The following GRM7 variants were observed in gnomAD, a reference collection of about 807,000 sequenced individuals.
The protein encoded by GRM7 is metabotropic glutamate receptor 7.
GRM7 carries 35 observed loss-of-function variants against 84.5 expected under a neutral mutation model. That is an observed-to-expected ratio of 0.41 (90% CI 0.32 to 0.55). The LOEUF (loss-of-function observed/expected upper bound fraction) is 0.55. Ranked by LOEUF, GRM7 falls within the 20% of genes least tolerant of loss-of-function variation. The pLI, the probability that GRM7 is intolerant of heterozygous loss-of-function variation, is 0.19. For synonymous variants in GRM7, 487 were observed against 455.1 expected (o/e 1.07, Z -0.89); for missense variants, 1,003 against 1,194.6 (o/e 0.84, Z 2.36).
chr3:7,452,666 A>T lies in GRM7; in HGVS notation c.1234A>T (p.Ile412Phe). ...YEQEGKVQFV[I>F]DAVYAMAHAL... ...GCAGGAGGGTAAAGTCCAGTTCGTG[A>T]TTGACGCAGTCTATGCTATGGCTCA... is the stretch of plus-strand genomic sequence containing the variant. Residue 412 changes from isoleucine to phenylalanine, a missense_variant, in exon 6 of 10, where the codon ATT (isoleucine) becomes TTT (phenylalanine). Physicochemically the swap from Ile to Phe is conservative, Grantham distance 21. Around this residue, in one of 2 missense-constraint regions of GRM7, gnomAD observed 910 missense variants for 1,126.0 expected, o/e 0.81. Coordinates refer to ENST00000357716, the MANE Select transcript of GRM7 (RefSeq NM_000844.4). The T allele has an allele frequency of 6.2e-7, 1 of 1,613,526 alleles. No homozygotes were observed. The highest frequency in any genetic ancestry group is 8.5e-7 in the Non-Finnish European group (1 of 1,179,610).
At chr3:7,399,763 C>G (rs1372921627) in intron 4 of GRM7, among the ~76,000 whole-genome samples, 1 of 152,168 alleles carries the variant, frequency 6.6e-6, no homozygotes, top group Non-Finnish European at 1.5e-5. Context: ...TTCCACTCCT[C>G]CTCCCCACCA....
chr3:7,050,413 C>A (rs1360907839), intron 1 of GRM7, among the ~76,000 whole-genome samples: 1 of 151,832 alleles, frequency 6.6e-6, no homozygotes, highest in Non-Finnish European at 1.5e-5. Context: ...AAGTCATAAG[C>A]TTCGTAGCCT....
chr3:7,407,184 G>T (rs1351613259), intron 4 of GRM7, among the ~76,000 whole-genome samples: 1 of 152,136 alleles, frequency 6.6e-6, no homozygotes, highest in African/African-American at 2.4e-5. Flanking sequence ...CATGAGGTAG[G>T]GTAGAAGGAA....
chr3:6,916,635 C>G (rs1206528691), intron 1 of GRM7, among the ~76,000 whole-genome samples: 1 of 152,106 alleles, frequency 6.6e-6, no homozygotes, highest in Non-Finnish European at 1.5e-5. Context: ...CAAGCTGCCT[C>G]AGTCCTCTTA....
chr3:7,524,129 A>C (rs1247783166), intron 7 of GRM7, among the ~76,000 whole-genome samples: 2 of 151,864 alleles, frequency 1.3e-5, no homozygotes, highest in Non-Finnish European at 2.9e-5. Context: ...TGGGTTAAAG[A>C]CTTAAACGTT....
intron 4 of GRM7, among the ~76,000 whole-genome samples, chr3:7,364,509 T>A (rs1216866126): frequency 2.0e-5 from 3 of 151,834 alleles, no homozygotes; most frequent in Admixed American, 6.6e-5. Context: ...TTTATTTATA[T>A]AATTTGCTTT....
intron 2 of GRM7, among the ~76,000 whole-genome samples, chr3:7,235,736 T>A (rs1697328122): frequency 6.6e-6 from 1 of 152,228 alleles, no homozygotes; most frequent in Admixed American, 6.5e-5. Flanking sequence ...ATATTCATCA[T>A]TTCTAAACAA....
chr3:7,634,750 C>T (rs759313027), intron 8 of GRM7, among the ~76,000 whole-genome samples: 25 of 150,816 alleles, frequency 1.7e-4, no homozygotes, highest in Non-Finnish European at 3.0e-4. Context: ...GCCGAGATCG[C>T]GCCACTGCAC....
At chr3:7,113,037 CAT>C (rs1692914593) in intron 1 of GRM7, among the ~76,000 whole-genome samples, 1 of 152,008 alleles carries the variant, frequency 6.6e-6, no homozygotes, top group Admixed American at 6.6e-5. Flanking sequence ...AGTAATGAAA[CAT>C]AGACTGATGA....
intron 2 of GRM7, among the ~76,000 whole-genome samples, chr3:7,198,169 A>AAG (rs368068082): frequency 7.7e-6 from 1 of 129,624 alleles, no homozygotes; most frequent in African/African-American, 3.8e-5. Context: ...AAAAAAAAAA[A>AAG]GAGAGAGATG....
intron 4 of GRM7, among the ~76,000 whole-genome samples, chr3:7,326,442 C>T (rs1391345710): frequency 3.3e-5 from 5 of 151,970 alleles, no homozygotes; most frequent in Admixed American, 2.6e-4. Flanking sequence ...AAAGTGTTCT[C>T]AGGTGGTATT....
chr3:7,186,419 A>G (rs1323128622), intron 2 of GRM7, among the ~76,000 whole-genome samples: 1 of 152,246 alleles, frequency 6.6e-6, no homozygotes, highest in Non-Finnish European at 1.5e-5. Context: ...TGTTTCCTGT[A>G]CAAGAACTTG....
At chr3:7,027,280 T>C (rs911465408) in intron 1 of GRM7, among the ~76,000 whole-genome samples, 3 of 152,198 alleles carry the variant, frequency 2.0e-5, no homozygotes, top group Non-Finnish European at 4.4e-5. Flanking sequence ...AGGCATCCCA[T>C]GCAGGATTGT....
chr3:6,904,418 C>G (rs1264316603), intron 1 of GRM7, among the ~76,000 whole-genome samples: 1 of 152,138 alleles, frequency 6.6e-6, no homozygotes, highest in Non-Finnish European at 1.5e-5. Context: ...TCAGTTTTCT[C>G]ACCTGTAAAG....
chr3:7,461,723 G>C lies in GRM7; in HGVS notation c.1515+1G>C. 6.2e-7 allele frequency: 1 copy of C among 1,613,572 alleles called. No homozygotes were observed. The highest frequency in any genetic ancestry group is 8.5e-7 in the Non-Finnish European group (1 of 1,179,602). ...GTGGACAGACGAACTTCAGCTCAAT[G>C]TGAGTTCTGCTTGCTTCTCTTCTTC... On this transcript the variant is annotated splice_donor_variant, in intron 7 of 9. Coordinates refer to ENST00000357716, the MANE Select transcript of GRM7 (RefSeq NM_000844.4). LOFTEE classifies it high-confidence loss of function.
At chr3:6,937,425 C>T (rs1697731190) in intron 1 of GRM7, among the ~76,000 whole-genome samples, 1 of 152,046 alleles carries the variant, frequency 6.6e-6, no homozygotes, top group Non-Finnish European at 1.5e-5. Context: ...ATCCCCATAG[C>T]TTCATCTGGA....
chr3:7,624,652 C>T lies in GRM7; in HGVS notation c.2451+45295C>T, dbSNP rs182359733. 1.6e-3 allele frequency among the ~76,000 whole-genome samples: 240 copies of T among 152,118 alleles called. 3 individuals carry two copies. The highest frequency in any genetic ancestry group is 0.014 in the Admixed American group (209 of 15,274). ...TAACTCTGATAAAATCTACCATCTC[C>T]GAGTTGTTATGAAAATTTAATAATA... is the stretch of plus-strand genomic sequence containing the variant. On this transcript the variant is annotated intron_variant, in intron 8 of 9. Transcript: ENST00000357716.
intron 4 of GRM7, among the ~76,000 whole-genome samples, chr3:7,385,289 A>T (rs1262454867): frequency 5.9e-5 from 4 of 67,288 alleles, no homozygotes; most frequent in Non-Finnish European, 8.0e-5. Flanking sequence ...TTCTATATGG[A>T]TTTTTTTTTT....
intron 5 of GRM7, among the ~76,000 whole-genome samples, chr3:7,436,667 T>G (rs1006892161): frequency 2.0e-5 from 3 of 152,198 alleles, no homozygotes; most frequent in Non-Finnish European, 4.4e-5. Flanking sequence ...TTACCTACAA[T>G]CAAACTGCAA....
Sources: allele counts gnomAD v4.1 joint callset (sites outside exome capture counted in the v4.1 genomes callset), GRCh38; gene constraint gnomAD v4.1.1; regional missense constraint gnomAD v4.1.1; transcripts MANE v1.5; gene names NCBI Gene and HGNC (gene_info 2026-07-23, HGNC 2026-07-21).